BCAR3: variants seen among roughly 807,000 people sequenced by gnomAD.
BCAR3 encodes BCAR3 adaptor protein, NSP family member, also known as breast cancer anti-estrogen resistance protein 3.
A neutral mutation model predicts 80.1 loss-of-function variants in BCAR3; 37 were observed. The observed-to-expected ratio is 0.46, with a 90% CI of 0.36 to 0.61. BCAR3 has a LOEUF of 0.61. BCAR3 is among the 20% of genes least tolerant of loss of function. The probability of loss-of-function intolerance (pLI) is 0.00; values close to 1 mark genes in which losing one functional copy is unlikely to be tolerated. For synonymous variants in BCAR3, 389 were observed against 418.9 expected, an observed-to-expected ratio of 0.93 and a Z score of 0.87; for missense variants, 978 against 1,068.2, an observed-to-expected ratio of 0.92 and a Z score of 1.18.
intron 9 of BCAR3, among the ~76,000 whole-genome samples, chr1:93,568,857 C>A (rs1292878004): frequency 1.3e-5 from 2 of 152,210 alleles, no homozygotes; most frequent in Non-Finnish European, 2.9e-5. Flanking sequence ...GGGTCTCACT[C>A]TGTTGCCCAG....
rs573090588 is a variant in BCAR3, at chr1:93,591,624, T to G, written c.486+641A>C. Among the ~76,000 whole-genome samples the G allele has an allele frequency of 6.6e-5, 10 of 152,316 alleles. No individual in the cohort carries two copies. In the South Asian group the frequency reaches 1.9e-3, roughly 28 times the overall value. ...ATTCTATGCCTCAATTCTGCAGACT[T>G]ACTCTATTTTTCAATTTTTACAGTA... On this transcript the variant is annotated intron_variant, in intron 4 of 11. Coordinates refer to ENST00000260502, the MANE Select transcript of BCAR3 (RefSeq NM_003567.4).
intron 11 of BCAR3, among the ~76,000 whole-genome samples, chr1:93,564,567 C>T (rs1460466537): frequency 5.9e-5 from 9 of 152,054 alleles, no homozygotes; most frequent in East Asian, 3.9e-4. Flanking sequence ...CGTGAGCCAC[C>T]GTGCCTGGCC....
Position 93,714,968 on chromosome 1 carries a change from C to T in BCAR3, c.-62-8826G>A, listed in dbSNP as rs191786481. ...CTCCCATTCCATCTGTTTATCATCT[C>T]TGCATACTCTCCTCTGGGTACCTTT... On this transcript the variant is annotated intron_variant, in intron 2 of 13. Transcript: ENST00000370244. Among the ~76,000 whole-genome samples, 246 of 152,304 alleles carry T rather than the reference C, an allele frequency of 1.6e-3. 1 individual carries two copies. Among genetic ancestry groups the T allele is most frequent in the African/African-American group, 5.7e-3 (236 of 41,572 alleles).
At chr1:93,771,960 G>A (rs1652369116) in intron 2 of BCAR3, among the ~76,000 whole-genome samples, 2 of 152,182 alleles carry the variant, frequency 1.3e-5, no homozygotes, top group South Asian at 4.1e-4. Flanking sequence ...TGTGGCCAGA[G>A]CAAATCATAT....
chr1:93,632,174 T>C (rs1363872259), intron 3 of BCAR3, among the ~76,000 whole-genome samples: 1 of 152,174 alleles, frequency 6.6e-6, no homozygotes, highest in Non-Finnish European at 1.5e-5. Flanking sequence ...TGCAAGATCA[T>C]AAAATTTGCC....
intron 9 of BCAR3, 99 bp from the exon 10 acceptor site, chr1:93,567,950 GC>G: frequency 1.1e-5 from 10 of 919,530 alleles, no homozygotes; most frequent in Non-Finnish European, 1.7e-5. Context: ...ACTTTGGGAG[GC>G]TGAGGCGGGT....
rs1011639798 is a variant in BCAR3, at chr1:93,654,312, C to T, written c.318-11969G>A. On this transcript the variant is annotated intron_variant, in intron 2 of 11. Coordinates refer to ENST00000260502, the MANE Select transcript of BCAR3 (RefSeq NM_003567.4). ...TATGACGGGGATCTGATGTGAGGGA[C>T]CCTGCCGCTGGTGCAGTGTTATGAG... Among the ~76,000 whole-genome samples, 6 of 152,104 alleles carry T rather than the reference C, an allele frequency of 3.9e-5. No homozygotes were observed. In the East Asian group the frequency reaches 5.8e-4, roughly 15 times the overall value.
chr1:93,678,714 C>T (rs931697886), intron 1 of BCAR3, among the ~76,000 whole-genome samples: 4 of 152,116 alleles, frequency 2.6e-5, no homozygotes, highest in Non-Finnish European at 5.9e-5. Context: ...GGGTGGAGAG[C>T]TACTTTACAT....
At chr1:93,732,741 C>T (rs1433881149) in intron 2 of BCAR3, among the ~76,000 whole-genome samples, 1 of 152,250 alleles carries the variant, frequency 6.6e-6, no homozygotes, top group Non-Finnish European at 1.5e-5. Flanking sequence ...GTCCTTCAGC[C>T]TTGATGCCTT....
chr1:93,696,858 C>T (rs1043724050), intron 3 of BCAR3, among the ~76,000 whole-genome samples: 3 of 152,242 alleles, frequency 2.0e-5, no homozygotes, highest in African/African-American at 7.2e-5. Flanking sequence ...ACTTCTCAAG[C>T]GTGTTCCTGT....
chr1:93,816,439 G>A (rs1654017934), intron 2 of BCAR3, among the ~76,000 whole-genome samples: 1 of 152,178 alleles, frequency 6.6e-6, no homozygotes, highest in Admixed American at 6.5e-5. Context: ...TTGGGAGGTT[G>A]AGGCAGGCAG....
chr1:93,691,982 A>G (rs887762165), intron 3 of BCAR3, among the ~76,000 whole-genome samples: 2 of 152,232 alleles, frequency 1.3e-5, no homozygotes, highest in Admixed American at 1.3e-4. Context: ...ACTTTTGCAT[A>G]TGGTTGAAAA....
chr1:93,845,062 G>T (rs2100856534), intron 2 of BCAR3, among the ~76,000 whole-genome samples: 1 of 152,176 alleles, frequency 6.6e-6, no homozygotes, highest in East Asian at 1.9e-4. Context: ...ATCATTAAGT[G>T]GAATCAAACA....
chr1:93,797,806 A>T lies in BCAR3; in HGVS notation c.-63+47761T>A, dbSNP rs114861700. ...CCTATTTCTATGTAATTTGGAAAGA[A>T]TTCCTCAAAAGGAAATTATCCATTC... On this transcript the variant is annotated intron_variant, in intron 2 of 13. Transcript: ENST00000370244. 8.0e-3 allele frequency among the ~76,000 whole-genome samples: 1,222 copies of T among 152,324 alleles called. 16 individuals are homozygous for T. The highest frequency in any genetic ancestry group is 0.028 in the African/African-American group (1,177 of 41,576).
chr1:93,580,622 T>A (rs976637150), intron 7 of BCAR3, among the ~76,000 whole-genome samples: 6 of 152,148 alleles, frequency 3.9e-5, no homozygotes, highest in Non-Finnish European at 7.4e-5. Flanking sequence ...ATACGTTGTA[T>A]TAGGTGTTGT....
chr1:93,634,718 AAC>A (rs111366450), intron 3 of BCAR3, among the ~76,000 whole-genome samples: 6,149 of 121,886 alleles, frequency 0.05, 197 homozygotes, highest in East Asian at 0.12. Flanking sequence ...CAACAACAAC[AAC>A]AAAAAAAAAA....
At chr1:93,699,732 A>C (rs1649569298) in intron 3 of BCAR3, among the ~76,000 whole-genome samples, 1 of 152,160 alleles carries the variant, frequency 6.6e-6, no homozygotes, top group Admixed American at 6.5e-5. Context: ...GGGGCCATAA[A>C]TAATAATAGC....
chr1:93,835,933 T>C (rs1304120671), intron 2 of BCAR3, among the ~76,000 whole-genome samples: 4 of 152,194 alleles, frequency 2.6e-5, no homozygotes, highest in Non-Finnish European at 4.4e-5. Context: ...CCCACCTCTA[T>C]ACAGTCCGGT....
chr1:93,589,731 T>C (rs1674094382), intron 4 of BCAR3, among the ~76,000 whole-genome samples: 2 of 152,034 alleles, frequency 1.3e-5, no homozygotes, highest in South Asian at 4.1e-4. Context: ...TGAGGATAAA[T>C]AACCAGTGGC....
Sources: allele counts gnomAD v4.1 joint callset (sites outside exome capture counted in the v4.1 genomes callset), GRCh38; gene constraint gnomAD v4.1.1; transcripts MANE v1.5; gene names NCBI Gene and HGNC (gene_info 2026-07-23, HGNC 2026-07-21).